Variants in EYA3 observed in about 807,000 individuals in gnomAD.
EYA3 encodes the protein EYA transcriptional coactivator and phosphatase 3.
Under a neutral mutation model 80.0 loss-of-function variants are expected in EYA3, and 39 were observed. The observed-to-expected ratio is 0.49, with a 90% confidence interval of 0.38 to 0.64. The LOEUF (loss-of-function observed/expected upper bound fraction) is 0.64. EYA3 is among the 30% of genes least tolerant of loss of function. The pLI, the probability that EYA3 is intolerant of heterozygous loss-of-function variation, is 0.00. For missense variants in EYA3, 523 were observed against 676.1 expected (o/e 0.77, Z 2.51); for synonymous variants, 206 against 232.8 (o/e 0.88, Z 1.05).
chr1:28,003,894 T>C (rs1269535401), intron 11 of EYA3, among the ~76,000 whole-genome samples: 1 of 152,164 alleles, frequency 6.6e-6, no homozygotes, highest in Non-Finnish European at 1.5e-5. Context: ...GATTAATCTA[T>C]TTTAGAAAGA....
intron 17 of EYA3, among the ~76,000 whole-genome samples, chr1:27,975,452 G>A (rs561016694): frequency 3.3e-5 from 5 of 150,844 alleles, no homozygotes; most frequent in South Asian, 4.2e-4. Context: ...AAGTGCTAGG[G>A]ATTACAGGCA....
chr1:27,992,781 C>T (rs1640164872), intron 14 of EYA3, among the ~76,000 whole-genome samples: 1 of 152,172 alleles, frequency 6.6e-6, no homozygotes, highest in Admixed American at 6.5e-5. Flanking sequence ...CCCACTACCC[C>T]TATGATGGAC....
At chr1:27,989,667 G>GGA (rs761839789) in intron 15 of EYA3, 30 bp downstream of exon 15, 12 of 1,406,490 alleles carry the variant, frequency 8.5e-6, no homozygotes, top group Non-Finnish European at 1.1e-5. Flanking sequence ...GTCGCTGAGA[G>GGA]GATGAGACCT....
intron 1 of EYA3, among the ~76,000 whole-genome samples, chr1:28,058,854 A>G (rs551865575): frequency 3.3e-5 from 5 of 152,338 alleles, no homozygotes; most frequent in African/African-American, 9.6e-5. Context: ...TGTCCTACTG[A>G]CAGGAGACAA....
chr1:28,084,509 G>T (rs1645540434), intron 1 of EYA3, among the ~76,000 whole-genome samples: 1 of 116,716 alleles, frequency 8.6e-6, no homozygotes, highest in Non-Finnish European at 1.7e-5. Context: ...TCAACCTTTT[G>T]GTATAAACCA....
chr1:27,987,817 G>C (rs1639774197), intron 16 of EYA3, among the ~76,000 whole-genome samples: 1 of 152,156 alleles, frequency 6.6e-6, no homozygotes, highest in Non-Finnish European at 1.5e-5. Flanking sequence ...CTCCCAAGTA[G>C]CTGGGACTAC....
chr1:27,995,617 T>A (rs1302357800), intron 13 of EYA3, among the ~76,000 whole-genome samples: 1 of 146,234 alleles, frequency 6.8e-6, no homozygotes, highest in Non-Finnish European at 1.5e-5. Context: ...GCGCCTATGG[T>A]CCTAGCTATT....
chr1:28,016,129 C>T lies in EYA3; in HGVS notation c.585+1025G>A, dbSNP rs548225639. ...GGAAAAACCAAATAGAGACTGTCCA[C>T]GTTCAAAGACAGGGTCAAAAAGAAG... On this transcript the variant is annotated intron_variant, in intron 8 of 17. Coordinates refer to ENST00000373871, the MANE Select transcript of EYA3 (RefSeq NM_001990.4). 1.1e-4 allele frequency among the ~76,000 whole-genome samples: 16 copies of T among 152,194 alleles called. No homozygotes were observed. The South Asian group carries it at 3.3e-3, about 32-fold the overall frequency.
chr1:28,015,840 A>G (rs183019693), intron 8 of EYA3, among the ~76,000 whole-genome samples: 204 of 152,346 alleles, frequency 1.3e-3, no homozygotes, highest in South Asian at 2.9e-3. Flanking sequence ...GCCTAGGTTT[A>G]TTAAGAAAAA....
intron 10 of EYA3, among the ~76,000 whole-genome samples, chr1:28,005,377 T>G (rs1477053226): frequency 6.6e-6 from 1 of 152,154 alleles, no homozygotes; most frequent in Non-Finnish European, 1.5e-5. Context: ...TAAGGCACTG[T>G]AAGAAAACTA....
At chr1:28,034,466 C>G (rs1327309273) in intron 6 of EYA3, among the ~76,000 whole-genome samples, 1 of 151,958 alleles carries the variant, frequency 6.6e-6, no homozygotes, top group Admixed American at 6.6e-5. Flanking sequence ...ATCTGAGTAC[C>G]CTGGCTGGTA....
At chr1:27,977,193 T>C in intron 17 of EYA3, 5 of 1,483,198 alleles carry the variant, frequency 3.4e-6, no homozygotes, top group Non-Finnish European at 4.5e-6. Context: ...CAAAGCTTCA[T>C]AACATATGTG....
intron 1 of EYA3, among the ~76,000 whole-genome samples, chr1:28,086,551 T>A (rs986767502): frequency 1.3e-5 from 2 of 152,226 alleles, no homozygotes; most frequent in African/African-American, 4.8e-5. Context: ...TGGTATATAA[T>A]CTTTATAACT....
chr1:28,084,690 C>T (rs1645588493), intron 1 of EYA3, among the ~76,000 whole-genome samples: 1 of 141,462 alleles, frequency 7.1e-6, no homozygotes, highest in Non-Finnish European at 1.5e-5. Flanking sequence ...CTCACTGCAA[C>T]CTCCGCCTCC....
chr1:28,074,417 A>G (rs887612347), intron 1 of EYA3, among the ~76,000 whole-genome samples: 1 of 152,114 alleles, frequency 6.6e-6, no homozygotes, highest in Admixed American at 6.5e-5. Context: ...AATCTATAGT[A>G]TTCTGTTAGG....
At chr1:28,050,925 T>A (rs986173599) in intron 2 of EYA3, among the ~76,000 whole-genome samples, 5 of 152,170 alleles carry the variant, frequency 3.3e-5, no homozygotes, top group Admixed American at 6.5e-5. Context: ...GAGCAACAAT[T>A]TTCTGGAGAG....
At chr1:28,041,076 G>A (rs1643750052) in intron 4 of EYA3, among the ~76,000 whole-genome samples, 1 of 152,066 alleles carries the variant, frequency 6.6e-6, no homozygotes, top group African/African-American at 2.4e-5. Flanking sequence ...CTGACAAGAA[G>A]GAAATGGCTG....
chr1:27,972,917 G>C lies in EYA3; in HGVS notation c.*1549C>G, dbSNP rs917275636. The C allele has an allele frequency of 1.3e-5, 2 of 152,322 alleles. No homozygotes were observed. Among genetic ancestry groups the C allele is most frequent in the African/African-American group, 2.4e-5 (1 of 41,448 alleles). The allele number at this position is 152,322 out of a possible 1,614,324, so 9.4% of individuals were successfully genotyped here. ...GATGCAGTACTCTCATTTAAATCAG[G>C]AAAGTCTGGCTGGGTGCAGTGGCTC... On this transcript the variant is annotated 3_prime_UTR_variant, in exon 18 of 18. Transcript: ENST00000373871.
At chr1:27,998,511 C>T (rs1044935165) in intron 12 of EYA3, among the ~76,000 whole-genome samples, 7 of 152,054 alleles carry the variant, frequency 4.6e-5, no homozygotes, top group African/African-American at 7.2e-5. Context: ...TACTGGAGCT[C>T]GGGGCACTAT....
Sources: gnomAD v4.1 joint callset for allele counts (sites outside exome capture counted in the v4.1 genomes callset) on GRCh38, gnomAD v4.1.1 for gene constraint, MANE v1.5 for transcripts, NCBI Gene and HGNC (gene_info 2026-07-23, HGNC 2026-07-21) for gene names.